PPP1R12A: variants seen among roughly 807,000 people sequenced by gnomAD.
PPP1R12A encodes the protein myosin binding subunit.
A neutral mutation model predicts 139.6 loss-of-function variants in PPP1R12A; 19 were observed. The ratio of observed to expected loss-of-function variants is 0.14; its 90% confidence interval spans 0.09 to 0.20. The LOEUF (loss-of-function observed/expected upper bound fraction) is 0.20. Among genes scored for constraint, PPP1R12A ranks in the 10% least tolerant of loss-of-function variants. The pLI is 1.00. For missense variants in PPP1R12A, 925 were observed against 1,211.5 expected, an observed-to-expected ratio of 0.76 and a Z score of 3.51; for synonymous variants, 427 against 420.6, an observed-to-expected ratio of 1.02 and a Z score of -0.19.
intron 8 of PPP1R12A, among the ~76,000 whole-genome samples, chr12:79,818,134 T>A (rs1305238821): frequency 1.3e-5 from 2 of 152,210 alleles, no homozygotes; most frequent in Non-Finnish European, 2.9e-5. Flanking sequence ...CTTCAAGTAG[T>A]GCCCTAGGTA....
chr12:79,916,768 C>A (rs930699666), intron 1 of PPP1R12A, among the ~76,000 whole-genome samples: 1 of 152,080 alleles, frequency 6.6e-6, no homozygotes, highest in Non-Finnish European at 1.5e-5. Context: ...AATACTGAAC[C>A]ATCAACACCA....
At chr12:79,871,115 A>C (rs1668935735) in intron 2 of PPP1R12A, among the ~76,000 whole-genome samples, 1 of 152,178 alleles carries the variant, frequency 6.6e-6, no homozygotes, top group Non-Finnish European at 1.5e-5. Flanking sequence ...AATTCAGAAG[A>C]AAAAACTGAA....
chr12:79,828,088 G>A (rs1048295412), intron 5 of PPP1R12A: 3 of 290,486 alleles, frequency 1.0e-5, no homozygotes, highest in Non-Finnish European at 1.9e-5. Flanking sequence ...ATTACTGAAA[G>A]AGCAATACTT....
chr12:79,795,850 G>C, intron 17 of PPP1R12A, 91 bp from the exon 18 acceptor site: 1 of 1,320,322 alleles, frequency 7.6e-7, no homozygotes, highest in Non-Finnish European at 1.1e-6. Context: ...AAATGGGCCA[G>C]GGGACTATCT....
At chr12:79,789,241 T>G (rs1366943912) in intron 20 of PPP1R12A, among the ~76,000 whole-genome samples, 4 of 152,166 alleles carry the variant, frequency 2.6e-5, no homozygotes, top group Admixed American at 6.5e-5. Context: ...GCCTATTTTT[T>G]TAATACTACT....
chr12:79,794,019 C>A, intron 18 of PPP1R12A, 91 bp from the exon 19 acceptor site: 1 of 877,348 alleles, frequency 1.1e-6, no homozygotes, highest in South Asian at 1.7e-5. Flanking sequence ...GTCCTTCTCT[C>A]TCAGAATATA....
chr12:79,776,102 C>A, intron 24 of PPP1R12A, 87 bp from the exon 25 acceptor site: 1 of 798,472 alleles, frequency 1.3e-6, no homozygotes, highest in Non-Finnish European at 1.9e-6. Flanking sequence ...ATTTTCACCA[C>A]AAAACACATG....
At chr12:79,857,581 A>C (rs1038445451) in intron 2 of PPP1R12A, among the ~76,000 whole-genome samples, 1 of 147,808 alleles carries the variant, frequency 6.8e-6, no homozygotes, top group Non-Finnish European at 1.5e-5. Context: ...TAATAATAAA[A>C]AATAATAATA....
At chr12:79,932,514 G>A (rs962625545) in intron 1 of PPP1R12A, among the ~76,000 whole-genome samples, 2 of 152,164 alleles carry the variant, frequency 1.3e-5, no homozygotes, top group Non-Finnish European at 2.9e-5. Flanking sequence ...ATGGAAAAGG[G>A]GAGGCGGTTG....
At chr12:79,902,581 A>AT (rs983212369) in intron 1 of PPP1R12A, among the ~76,000 whole-genome samples, 4 of 152,108 alleles carry the variant, frequency 2.6e-5, no homozygotes, top group Non-Finnish European at 2.9e-5. Context: ...TCAAAAAAAA[A>AT]TTTTTTTAAT....
intron 19 of PPP1R12A, among the ~76,000 whole-genome samples, chr12:79,792,929 A>G (rs999046040): frequency 5.9e-5 from 9 of 152,204 alleles, no homozygotes; most frequent in African/African-American, 2.2e-4. Flanking sequence ...CCTAAAGATA[A>G]AATAAAATTG....
chr12:79,832,111 A>G (rs996102213), intron 4 of PPP1R12A, among the ~76,000 whole-genome samples: 1 of 152,180 alleles, frequency 6.6e-6, no homozygotes, highest in African/African-American at 2.4e-5. Context: ...CTTACTGGAA[A>G]ATCACAACTG....
chr12:79,806,362 A>C, intron 12 of PPP1R12A, 29 bp from the exon 13 acceptor site: 1 of 1,564,908 alleles, frequency 6.4e-7, no homozygotes, highest in Non-Finnish European at 8.8e-7. Flanking sequence ...TCTATATAGG[A>C]TGTGTTTGTA....
At chr12:79,887,685 G>A (rs1201771300) in intron 1 of PPP1R12A, among the ~76,000 whole-genome samples, 1 of 152,006 alleles carries the variant, frequency 6.6e-6, no homozygotes. Context: ...AGCTAGAGGG[G>A]TTTAATCAAT....
chr12:79,799,997 C>T (rs556018271), intron 14 of PPP1R12A, among the ~76,000 whole-genome samples: 21 of 150,954 alleles, frequency 1.4e-4, no homozygotes, highest in Non-Finnish European at 2.8e-4. Context: ...AGAATTGAGA[C>T]TCAAAAAAAA....
chr12:79,849,279 T>C (rs1020536400), intron 2 of PPP1R12A, among the ~76,000 whole-genome samples: 4 of 152,080 alleles, frequency 2.6e-5, no homozygotes, highest in South Asian at 2.1e-4. Flanking sequence ...TCCCAGCTAC[T>C]TGGAGGCTAA....
Position 79,865,121 on chromosome 12 carries a change from C to T in PPP1R12A, c.368+7687G>A, listed in dbSNP as rs572053300. ...AGCACGTCAAAAAGCTTATCCACCA[C>T]GATCAAGTCGGCTTCAGCCCTGGGA... On this transcript the variant is annotated intron_variant, in intron 2 of 24. Transcript: ENST00000450142. 9.2e-5 allele frequency among the ~76,000 whole-genome samples: 14 copies of T among 152,278 alleles called. No individual in the cohort carries two copies. The East Asian group carries it at 1.7e-3, about 19-fold the overall frequency.
chr12:79,919,456 G>A (rs1592833921), intron 1 of PPP1R12A, among the ~76,000 whole-genome samples: 1 of 151,700 alleles, frequency 6.6e-6, no homozygotes, highest in Admixed American at 6.6e-5. Context: ...TCAGGAGGCT[G>A]AGGCAAGAGA....
chr12:79,795,796 T>C, intron 17 of PPP1R12A, 37 bp from the exon 18 acceptor site: 1 of 1,587,816 alleles, frequency 6.3e-7, no homozygotes, highest in Non-Finnish European at 8.6e-7. Context: ...TATAGCAATA[T>C]ATCTTGACAA....
Sources: gnomAD v4.1 joint callset for allele counts (sites outside exome capture counted in the v4.1 genomes callset) on GRCh38, gnomAD v4.1.1 for gene constraint, MANE v1.5 for transcripts, NCBI Gene and HGNC (gene_info 2026-07-23, HGNC 2026-07-21) for gene names.